Variants in BRAP observed in about 807,000 individuals in gnomAD.
BRAP encodes BRCA1 associated protein.
Under a neutral mutation model 73.4 loss-of-function variants are expected in BRAP, and 42 were observed. The observed-to-expected ratio is 0.57, with a 90% CI of 0.45 to 0.74. The LOEUF (loss-of-function observed/expected upper bound fraction) is 0.74. Among genes scored for constraint, BRAP ranks in the 30% least tolerant of loss-of-function variants. The pLI, the probability that BRAP is intolerant of heterozygous loss-of-function variation, is 0.00. For missense variants in BRAP, 593 were observed against 751.4 expected (o/e 0.79, Z 2.46); for synonymous variants, 255 against 267.4 (o/e 0.95, Z 0.45).
intron 9 of BRAP, 120 bp downstream of exon 9, chr12:111,658,616 G>A (rs946717956): frequency 3.2e-5 from 24 of 739,168 alleles, no homozygotes; most frequent in East Asian, 2.0e-4. Flanking sequence ...AAGCCACTGC[G>A]CCCGGCCATG....
At chr12:111,683,381 G>T in intron 1 of BRAP, 74 bp from the exon 2 acceptor site, 1 of 1,483,078 alleles carries the variant, frequency 6.7e-7, no homozygotes, top group Non-Finnish European at 9.1e-7. Flanking sequence ...TCTATCATTA[G>T]GTTTTCCTTT....
At chr12:111,658,486 C>T (rs899602337) in intron 9 of BRAP, among the ~76,000 whole-genome samples, 4 of 151,992 alleles carry the variant, frequency 2.6e-5, no homozygotes, top group African/African-American at 7.3e-5. Context: ...CCACCATGCC[C>T]AGCTAATTTT....
rs1456997515 is a variant in BRAP, at chr12:111,661,717, T to TG, written c.897-1043_897-1042insC. On this transcript the variant is annotated intron_variant, in intron 6 of 11. Transcript: ENST00000419234. ...AATCTGTAGTAAAAAAAAAAGGTTT[T>TG]TTTTTTTTTTGTGAGACAGAGTCCT... Among the ~76,000 whole-genome samples, 5 of 151,380 alleles carry TG rather than the reference T, an allele frequency of 3.3e-5. No homozygotes were observed. In the East Asian group the frequency reaches 7.7e-4, roughly 23 times the overall value.
intron 11 of BRAP, among the ~76,000 whole-genome samples, chr12:111,645,585 GA>G (rs1041163220): frequency 6.6e-6 from 1 of 151,992 alleles, no homozygotes; most frequent in African/African-American, 2.4e-5. Context: ...TGCTGAAGGG[GA>G]AAAAAAGGGC....
intron 9 of BRAP, among the ~76,000 whole-genome samples, chr12:111,658,017 CA>C (rs1255762243): frequency 6.6e-6 from 1 of 151,764 alleles, no homozygotes; most frequent in African/African-American, 2.4e-5. Context: ...CAGCTCACTG[CA>C]ACCCCTGCCT....
chr12:111,644,782 GTT>G (rs2135889112), intron 11 of BRAP, among the ~76,000 whole-genome samples: 1 of 152,186 alleles, frequency 6.6e-6, no homozygotes, highest in East Asian at 1.9e-4. Context: ...TTGAGACGGA[GTT>G]TCGCTCTTGT....
intron 5 of BRAP, among the ~76,000 whole-genome samples, chr12:111,671,659 AAC>A (rs1887177045): frequency 6.6e-6 from 1 of 151,666 alleles, no homozygotes; most frequent in Non-Finnish European, 1.5e-5. Context: ...GGAGTTCAAG[AAC>A]AGTCTGGGTA....
chr12:111,682,389 T>C (rs1171102109), intron 2 of BRAP, among the ~76,000 whole-genome samples: 1 of 150,602 alleles, frequency 6.6e-6, no homozygotes, highest in Non-Finnish European at 1.5e-5. Context: ...TCCCAGCTAC[T>C]TGGGAGGCTG....
intron 5 of BRAP, among the ~76,000 whole-genome samples, chr12:111,667,762 AAT>A (rs2135916273): frequency 6.6e-6 from 1 of 151,514 alleles, no homozygotes; most frequent in East Asian, 1.9e-4. Context: ...AACACCCTAC[AAT>A]ATACAAATCT....
chr12:111,683,168 A>T lies in BRAP; in HGVS notation c.222T>A (p.Ile74=). The T allele has an allele frequency of 2.5e-6, 4 of 1,613,948 alleles. No homozygotes were observed. The highest frequency in any genetic ancestry group is 3.4e-6 in the Non-Finnish European group (4 of 1,179,958). ...TACCTGGGTTGGACTTCATGGTCTC[A>T]ATGATCACATCTGTCATTTCTCGAC... is the stretch of plus-strand genomic sequence containing the variant. ...LGRREMTDVI[I]ETMKSNPDEL... Residue 74 remains isoleucine, a synonymous_variant, in exon 2 of 12, where the codon ATT becomes ATA. Coordinates refer to ENST00000419234, the MANE Select transcript of BRAP (RefSeq NM_006768.5).
intron 5 of BRAP, among the ~76,000 whole-genome samples, chr12:111,671,279 G>A (rs931272873): frequency 6.6e-6 from 1 of 152,140 alleles, no homozygotes; most frequent in African/African-American, 2.4e-5. Flanking sequence ...GCCATGCACA[G>A]TGGCTCATGC....
At position 111,663,857 on chromosome 12, in the gene BRAP, T is replaced by C. The variant is rs1229689216; in HGVS notation, c.896+1782A>G. 4.6e-5 allele frequency among the ~76,000 whole-genome samples: 7 copies of C among 152,316 alleles called. No homozygotes were observed. The Middle Eastern group carries it at 0.01, about 222-fold the overall frequency. ...CATGTCTTACATCCCATATGACAGG[T>C]TGAATTCTAGTCCCAGTTCTGGCAT... On this transcript the variant is annotated intron_variant, in intron 6 of 11. Transcript: ENST00000419234.
intron 2 of BRAP, among the ~76,000 whole-genome samples, chr12:111,682,878 C>G (rs1887658220): frequency 6.6e-6 from 1 of 152,106 alleles, no homozygotes; most frequent in Non-Finnish European, 1.5e-5. Context: ...CACCACTGCA[C>G]TCTAGCCTGG....
chr12:111,667,920 A>T (rs182587963), intron 5 of BRAP, among the ~76,000 whole-genome samples: 2 of 151,930 alleles, frequency 1.3e-5, no homozygotes, highest in Admixed American at 1.3e-4. Flanking sequence ...TACTAGTAAG[A>T]AAGCTGGGGC....
intron 7 of BRAP, among the ~76,000 whole-genome samples, 171 bp downstream of exon 7, chr12:111,660,429 C>T (rs1033587932): frequency 1.3e-4 from 20 of 151,836 alleles, no homozygotes; most frequent in African/African-American, 4.4e-4. Context: ...GTGGAAGGAC[C>T]GCTCGAGGCC....
chr12:111,670,038 T>C (rs1210571550), intron 5 of BRAP: 1 of 634,006 alleles, frequency 1.6e-6, no homozygotes, highest in African/African-American at 1.8e-5. Flanking sequence ...ACTATCTTCA[T>C]CTTCATTAAA....
intron 5 of BRAP, 52 bp downstream of exon 5, chr12:111,672,609 T>A: frequency 1.3e-6 from 2 of 1,513,194 alleles, no homozygotes; most frequent in Non-Finnish European, 1.8e-6. Flanking sequence ...AGCATTCAAT[T>A]TTACACCAAT....
chr12:111,685,896 A>C lies in BRAP; in HGVS notation c.-104T>G. ...GGCCGGCAGCGCCGCCACCACCTCA[A>C]TGCAGTTGCCGCCGCCTCAGCAGCA... On this transcript the variant is annotated 5_prime_UTR_variant, in exon 1 of 12. Transcript: ENST00000419234. 5.8e-5 allele frequency: 38 copies of C among 658,684 alleles called. No individual in the cohort carries two copies. The highest frequency in any genetic ancestry group is 7.5e-5 in the East Asian group (2 of 26,772). 40.8% of individuals were successfully genotyped at this position (658,684 alleles called of 1,614,324 possible).
chr12:111,661,066 GC>G (rs1263212414), intron 6 of BRAP, among the ~76,000 whole-genome samples: 7 of 151,234 alleles, frequency 4.6e-5, no homozygotes, highest in Non-Finnish European at 1.0e-4. Context: ...TGCAACCTCT[GC>G]CTCCCAGGTT....
Sources: gnomAD v4.1 joint callset for allele counts (sites outside exome capture counted in the v4.1 genomes callset) on GRCh38, gnomAD v4.1.1 for gene constraint, MANE v1.5 for transcripts, NCBI Gene and HGNC (gene_info 2026-07-23, HGNC 2026-07-21) for gene names.